GASK1B: variants seen among roughly 807,000 people sequenced by gnomAD.
The protein encoded by GASK1B is golgi associated kinase 1B, also known as Golgi-associated kinase 1B.
GASK1B carries 34 observed loss-of-function variants against 42.8 expected under a neutral mutation model. The observed-to-expected ratio is 0.79, with a 90% confidence interval of 0.60 to 1.06. The LOEUF is 1.06. GASK1B is among the 50% of genes least tolerant of loss of function. GASK1B has a pLI of 0.00. For synonymous variants in GASK1B, 262 were observed against 259.1 expected (o/e 1.01, Z -0.11); for missense variants, 686 against 661.0 (o/e 1.04, Z -0.42).
intron 3 of GASK1B, among the ~76,000 whole-genome samples, chr4:158,133,810 C>T (rs1730775417): frequency 1.3e-5 from 2 of 152,138 alleles, no homozygotes. Context: ...TTACTGAAAA[C>T]AGGTGTGTGC....
intron 3 of GASK1B, among the ~76,000 whole-genome samples, chr4:158,155,022 A>C (rs1308968344): frequency 2.6e-5 from 4 of 152,156 alleles, no homozygotes. Flanking sequence ...AAAAAATTAA[A>C]ATTAAAAAAT....
intron 3 of GASK1B, among the ~76,000 whole-genome samples, chr4:158,142,944 C>T (rs935762993): frequency 6.6e-6 from 1 of 152,134 alleles, no homozygotes; most frequent in African/African-American, 2.4e-5. Flanking sequence ...GATTAGAAGA[C>T]ACACCAACCA....
chr4:158,147,461 A>T (rs945623608), intron 3 of GASK1B, among the ~76,000 whole-genome samples: 16 of 151,962 alleles, frequency 1.1e-4, no homozygotes, highest in Non-Finnish European at 1.6e-4. Flanking sequence ...AAAGTTAGCC[A>T]GGCATGGTGG....
In GASK1B at chr4:158,170,940, C is replaced by A; in HGVS notation, c.436G>T (p.Val146Phe). ...ASAAPGQEALVGPSLQPQEAA... is the reference protein window; with the variant it reads ...ASAAPGQEALFGPSLQPQEAA... ...TCCTGCGGCTGAAGGGATGGTCCGA[C>A]CAAAGCCTCCTGCCCTGGGGCAGCC... Residue 146 changes from valine to phenylalanine, a missense_variant, in exon 2 of 5, where the codon GTC becomes TTC. Coordinates refer to ENST00000585682, the MANE Select transcript of GASK1B (RefSeq NM_001128424.2). 1 of 1,614,254 alleles carries A rather than the reference C, an allele frequency of 6.2e-7. No homozygotes were observed. The highest frequency in any genetic ancestry group is 1.1e-5 in the South Asian group (1 of 91,090).
At chr4:158,128,372 T>G (rs563967314) in intron 4 of GASK1B, among the ~76,000 whole-genome samples, 1 of 152,318 alleles carries the variant, frequency 6.6e-6, no homozygotes, top group African/African-American at 2.4e-5. Context: ...TGCATTGTGC[T>G]TGCTTTTCTT....
At chr4:158,148,433 C>T (rs1322855319) in intron 3 of GASK1B, among the ~76,000 whole-genome samples, 1 of 152,186 alleles carries the variant, frequency 6.6e-6, no homozygotes, top group Non-Finnish European at 1.5e-5. Context: ...TAGCCTCTTA[C>T]ATTTTGCACT....
intron 3 of GASK1B, among the ~76,000 whole-genome samples, chr4:158,153,842 T>C (rs1260294937): frequency 6.6e-6 from 1 of 152,168 alleles, no homozygotes; most frequent in Non-Finnish European, 1.5e-5. Flanking sequence ...TCTTACCTTA[T>C]ACAAAAATCA....
chr4:158,139,925 G>C (rs193054988), intron 3 of GASK1B, among the ~76,000 whole-genome samples: 11 of 152,140 alleles, frequency 7.2e-5, no homozygotes, highest in Non-Finnish European at 8.8e-5. Context: ...TGTCACACAG[G>C]ATATTAAAAA....
intron 2 of GASK1B, among the ~76,000 whole-genome samples, chr4:158,166,340 AC>A (rs1732229436): frequency 6.6e-6 from 1 of 152,214 alleles, no homozygotes; most frequent in African/African-American, 2.4e-5. Flanking sequence ...TGATTGGATC[AC>A]CCACACCAGT....
At chr4:158,161,964 C>T (rs1424364884) in intron 2 of GASK1B, among the ~76,000 whole-genome samples, 1 of 152,166 alleles carries the variant, frequency 6.6e-6, no homozygotes, top group Non-Finnish European at 1.5e-5. Context: ...TCACTCTCCA[C>T]TTACCACAGC....
In GASK1B at chr4:158,161,566, T is replaced by G. The variant is rs532211882; in HGVS notation, c.911-5741A>C. The stretch of plus-strand genomic sequence containing the variant: ...GAAAACAAGGCATTCTTCTTTGTTC[T>G]GACAAATGGGCAGGAACTTCTGCTT... On this transcript the variant is annotated intron_variant, in intron 2 of 4. Coordinates refer to ENST00000585682, the MANE Select transcript of GASK1B (RefSeq NM_001128424.2). Among the ~76,000 whole-genome samples, 10 of 152,332 alleles carry G rather than the reference T, an allele frequency of 6.6e-5. No individual in the cohort carries two copies. In the East Asian group the frequency reaches 1.7e-3, roughly 26 times the overall value.
At position 158,127,155 on chromosome 4, in the gene GASK1B, T is replaced by G. The variant is rs1230354738; in HGVS notation, c.*252A>C. Reference sequence around the variant, plus strand: ...AACTGAAATTTCTGTTGTCAGATGTTCAGACTGACACATAGCATGATGTTA... The same window carrying G: ...AACTGAAATTTCTGTTGTCAGATGTGCAGACTGACACATAGCATGATGTTA... On this transcript the variant is annotated 3_prime_UTR_variant, in exon 5 of 5. Coordinates refer to ENST00000585682, the MANE Select transcript of GASK1B (RefSeq NM_001128424.2). 1 of 302,830 alleles carries G rather than the reference T, an allele frequency of 3.3e-6. No individual in the cohort carries two copies. The highest frequency in any genetic ancestry group is 6.1e-6 in the Non-Finnish European group (1 of 164,730). The allele number at this position is 302,830 out of a possible 1,614,324, so 18.8% of individuals were successfully genotyped here.
At chr4:158,132,876 A>C (rs1303827904) in intron 3 of GASK1B, among the ~76,000 whole-genome samples, 1 of 152,204 alleles carries the variant, frequency 6.6e-6, no homozygotes, top group Non-Finnish European at 1.5e-5. Flanking sequence ...TCCAGGGAAC[A>C]GTAAGTTACC....
intron 3 of GASK1B, among the ~76,000 whole-genome samples, chr4:158,146,783 G>A (rs1029586255): frequency 6.6e-6 from 1 of 152,138 alleles, no homozygotes; most frequent in African/African-American, 2.4e-5. Context: ...ATAATCTTTT[G>A]AGAGAAGTTT....
At chr4:158,168,143 G>A (rs1435902101) in intron 2 of GASK1B, among the ~76,000 whole-genome samples, 5 of 152,170 alleles carry the variant, frequency 3.3e-5, no homozygotes, top group Non-Finnish European at 7.4e-5. Flanking sequence ...ATCAAAGACA[G>A]AATGTTGTTT....
At chr4:158,155,276 C>A (rs1205667256) in intron 3 of GASK1B, among the ~76,000 whole-genome samples, 1 of 152,148 alleles carries the variant, frequency 6.6e-6, no homozygotes, top group Non-Finnish European at 1.5e-5. Flanking sequence ...TTTGAAATGG[C>A]CCTGCCAAGC....
chr4:158,149,923 C>CTTTTTTGTTTTTTTTTTTTT (rs1731484621), intron 3 of GASK1B, among the ~76,000 whole-genome samples: 2 of 67,178 alleles, frequency 3.0e-5, no homozygotes, highest in African/African-American at 6.1e-5. Context: ...CTGCATGCTG[C>CTTTTTTGTTTTTTTTTTTTT]TTTTTTTTTT....
chr4:158,139,028 A>C (rs1256721922), intron 3 of GASK1B, among the ~76,000 whole-genome samples: 1 of 152,208 alleles, frequency 6.6e-6, no homozygotes, highest in African/African-American at 2.4e-5. Flanking sequence ...CTTCACATTA[A>C]AAGTTCCTAA....
intron 3 of GASK1B, among the ~76,000 whole-genome samples, chr4:158,131,304 C>T (rs924458761): frequency 2.6e-5 from 4 of 152,182 alleles, no homozygotes; most frequent in African/African-American, 9.6e-5. Context: ...CATACAGACA[C>T]ATGGCCAGCA....
Sources: allele counts gnomAD v4.1 joint callset (sites outside exome capture counted in the v4.1 genomes callset), GRCh38; gene constraint gnomAD v4.1.1; transcripts MANE v1.5; gene names NCBI Gene and HGNC (gene_info 2026-07-23, HGNC 2026-07-21).